Variants in DNAI4 observed in about 807,000 individuals in gnomAD.
DNAI4 encodes the protein dynein axonemal intermediate chain 4.
A neutral mutation model predicts 105.8 loss-of-function variants in DNAI4; 85 were observed. That is an observed-to-expected ratio of 0.80 (90% CI 0.67 to 0.96). The LOEUF is 0.96. DNAI4 is among the 40% of genes least tolerant of loss of function. DNAI4 has a pLI of 0.00. For missense variants in DNAI4, 1,014 were observed against 1,005.6 expected, an observed-to-expected ratio of 1.01 and a Z score of -0.11; for synonymous variants, 352 against 331.5, an observed-to-expected ratio of 1.06 and a Z score of -0.67.
At chr1:66,853,358 T>C (rs1400424047) in intron 7 of DNAI4, among the ~76,000 whole-genome samples, 1 of 152,212 alleles carries the variant, frequency 6.6e-6, no homozygotes, top group African/African-American at 2.4e-5. Context: ...GTGTTGACCA[T>C]TAGGTTTTAT....
intron 6 of DNAI4, among the ~76,000 whole-genome samples, chr1:66,864,915 A>C (rs1646700665): frequency 6.6e-6 from 1 of 152,170 alleles, no homozygotes; most frequent in African/African-American, 2.4e-5. Flanking sequence ...TAGAAGAAAG[A>C]GGGTTGTGAT....
intron 8 of DNAI4, among the ~76,000 whole-genome samples, chr1:66,841,594 A>G (rs1277220390): frequency 6.6e-6 from 1 of 151,764 alleles, no homozygotes. Context: ...CTGGTCTTGA[A>G]CTCCTGGCCT....
chr1:66,826,645 A>G (rs1346319369), intron 15 of DNAI4, among the ~76,000 whole-genome samples, 175 bp downstream of exon 15: 1 of 152,186 alleles, frequency 6.6e-6, no homozygotes, highest in African/African-American at 2.4e-5. Flanking sequence ...CATATGGTAT[A>G]AATAATTGAC....
At chr1:66,835,859 T>G in intron 10 of DNAI4, 82 bp from the exon 11 acceptor site, 1 of 1,274,080 alleles carries the variant, frequency 7.8e-7, no homozygotes, top group Non-Finnish European at 1.1e-6. Context: ...AGATTTAGTT[T>G]GGTGGCAGTG....
chr1:66,867,261 TC>T (rs879470975), intron 6 of DNAI4, among the ~76,000 whole-genome samples: 3 of 152,170 alleles, frequency 2.0e-5, no homozygotes, highest in Admixed American at 2.0e-4. Context: ...ACATTTTCTG[TC>T]CCCCACATTT....
chr1:66,898,554 C>A (rs1648534844), intron 2 of DNAI4, among the ~76,000 whole-genome samples: 1 of 152,078 alleles, frequency 6.6e-6, no homozygotes, highest in African/African-American at 2.4e-5. Context: ...TTATAAAAGT[C>A]AGTTTCTCCA....
rs186958446 is a variant in DNAI4, at chr1:66,894,156, C to T, written c.346-743G>A. ...AAAATAGTTAACTGTAAAACAGCCT[C>T]GGGCAGGTCCTTTAGTGGGTACTCT... On this transcript the variant is annotated intron_variant, in intron 2 of 16. Coordinates refer to ENST00000371026, the MANE Select transcript of DNAI4 (RefSeq NM_024763.5). Among the ~76,000 whole-genome samples, 560 of 152,208 alleles carry T rather than the reference C, an allele frequency of 3.7e-3. 3 individuals are homozygous for T. Among genetic ancestry groups the T allele is most frequent in the African/African-American group, 0.012 (518 of 41,524 alleles).
At chr1:66,880,362 G>A (rs1167285795) in intron 4 of DNAI4, among the ~76,000 whole-genome samples, 2 of 152,176 alleles carry the variant, frequency 1.3e-5, no homozygotes, top group African/African-American at 4.8e-5. Context: ...GGAAAATGTG[G>A]GAAAGTTTGG....
Position 66,895,695 on chromosome 1 carries a change from C to T in DNAI4, c.346-2282G>A, listed in dbSNP as rs184500248. On this transcript the variant is annotated intron_variant, in intron 2 of 16. Transcript: ENST00000371026. ...ACTACTGTAGGATTTTATAGATAGC[C>T]TAAATAAGATGTTTAAAGTTCCTTG... 4.4e-3 allele frequency among the ~76,000 whole-genome samples: 667 copies of T among 152,102 alleles called. 2 individuals are homozygous for T. Among genetic ancestry groups the T allele is most frequent in the Middle Eastern group, 0.017 (5 of 294 alleles).
intron 4 of DNAI4, among the ~76,000 whole-genome samples, chr1:66,883,451 G>T (rs1410820675): frequency 1.3e-5 from 2 of 151,594 alleles, no homozygotes; most frequent in East Asian, 1.9e-4. Flanking sequence ...CTAATTTTTG[G>T]TTTTTTAGTA....
At chr1:66,825,251 C>T (rs1402527356) in intron 15 of DNAI4, among the ~76,000 whole-genome samples, 1 of 146,694 alleles carries the variant, frequency 6.8e-6, no homozygotes, top group Non-Finnish European at 1.5e-5. Flanking sequence ...GCAATCTCGG[C>T]TCACTGCAAG....
At chr1:66,841,545 T>C (rs1023381466) in intron 8 of DNAI4, among the ~76,000 whole-genome samples, 1 of 152,138 alleles carries the variant, frequency 6.6e-6, no homozygotes, top group Admixed American at 6.5e-5. Context: ...ATTTTTATTT[T>C]TTAGAGATGG....
chr1:66,846,439 A>G (rs971616428), intron 8 of DNAI4, among the ~76,000 whole-genome samples: 2 of 152,222 alleles, frequency 1.3e-5, no homozygotes, highest in African/African-American at 4.8e-5. Flanking sequence ...AGCTGGAAAT[A>G]CAATAGGCAA....
chr1:66,918,628 T>C (rs923802229), intron 1 of DNAI4, among the ~76,000 whole-genome samples: 46 of 152,208 alleles, frequency 3.0e-4, no homozygotes, highest in African/African-American at 1.1e-3. Flanking sequence ...TTGTTGTTTT[T>C]CTCCCTTCCT....
At chr1:66,861,326 A>T (rs1175550243) in intron 7 of DNAI4, among the ~76,000 whole-genome samples, 1 of 152,200 alleles carries the variant, frequency 6.6e-6, no homozygotes, top group Non-Finnish European at 1.5e-5. Context: ...GGTTTTAGTT[A>T]TTCTAAAATG....
intron 16 of DNAI4, among the ~76,000 whole-genome samples, chr1:66,819,668 TTATATA>T (rs199667464): frequency 1.3e-5 from 2 of 151,472 alleles, no homozygotes; most frequent in African/African-American, 4.8e-5. Flanking sequence ...TTGACAGGTT[TTATATA>T]TATATATAAT....
At chr1:66,827,964 T>C in intron 13 of DNAI4, 54 bp from the exon 14 acceptor site, 1 of 1,122,340 alleles carries the variant, frequency 8.9e-7, no homozygotes, top group Non-Finnish European at 1.3e-6. Context: ...GTAAGTGTGA[T>C]AAATAGAAGA....
At chr1:66,854,138 C>A (rs1282079657) in intron 7 of DNAI4, among the ~76,000 whole-genome samples, 1 of 152,124 alleles carries the variant, frequency 6.6e-6, no homozygotes, top group Non-Finnish European at 1.5e-5. Flanking sequence ...ATGCCTGTAA[C>A]CCCAGCACTT....
At chr1:66,889,133 T>C (rs1647380534) in intron 4 of DNAI4, among the ~76,000 whole-genome samples, 1 of 152,238 alleles carries the variant, frequency 6.6e-6, no homozygotes, top group South Asian at 2.1e-4. Context: ...CTCTCTCTCC[T>C]TGCCTCTTTC....
Sources: gnomAD v4.1 joint callset for allele counts (sites outside exome capture counted in the v4.1 genomes callset) on GRCh38, gnomAD v4.1.1 for gene constraint, MANE v1.5 for transcripts, NCBI Gene and HGNC (gene_info 2026-07-23, HGNC 2026-07-21) for gene names.